DMBX1: variants seen among roughly 807,000 people sequenced by gnomAD.
The protein encoded by DMBX1 is diencephalon/mesencephalon homeobox protein 1.
A neutral mutation model predicts 30.4 loss-of-function variants in DMBX1; 7 were observed. That is an observed-to-expected ratio of 0.23 (90% CI 0.13 to 0.43). The LOEUF is 0.43. Among genes scored for constraint, DMBX1 ranks in the 20% least tolerant of loss-of-function variants. DMBX1 has a pLI of 1.00. For missense variants in DMBX1, 460 were observed against 508.5 expected, an observed-to-expected ratio of 0.90 and a Z score of 0.92; for synonymous variants, 222 against 214.2, an observed-to-expected ratio of 1.04 and a Z score of -0.32.
chr1:46,511,868 C>T (rs1485440369), intron 5 of DMBX1, among the ~76,000 whole-genome samples, 175 bp from the exon 6 acceptor site: 5 of 152,160 alleles, frequency 3.3e-5, no homozygotes, highest in African/African-American at 9.7e-5. Context: ...GTCCCTTTCT[C>T]CTAGGATTCT....
In DMBX1 at chr1:46,512,261, G is replaced by A. The variant is rs749854768; in HGVS notation, c.901G>A (p.Gly301Ser). 4 of 1,613,492 alleles carry A rather than the reference G, an allele frequency of 2.5e-6. No individual in the cohort carries two copies. Among genetic ancestry groups the A allele is most frequent in the African/African-American group, 1.3e-5 (1 of 74,874 alleles). The change falls in exon 6 of 6, where the codon GGC (glycine) becomes AGC (serine). Residue 301 changes from glycine (G) to serine (S), a missense_variant. This residue lies in a region of DMBX1 where 334 missense variants were observed against 345.1 expected (regional missense o/e 0.97). Coordinates refer to ENST00000360032, the MANE Select transcript of DMBX1 (RefSeq NM_172225.2). The surrounding 1 kb of genome is among the most constrained non-coding windows in gnomAD (Gnocchi z 4.8). ...AAAAAAVPYLGVNMAPLGSLH... is the reference protein window; with the variant it reads ...AAAAAAVPYLSVNMAPLGSLH... ...GGCGGCTGCTGCTGTGCCCTACCTG[G>A]GCGTCAACATGGCCCCGCTGGGCTC...
intron 1 of DMBX1, among the ~76,000 whole-genome samples, chr1:46,490,085 A>G: frequency 6.6e-6 from 1 of 152,240 alleles, no homozygotes; most frequent in East Asian, 1.9e-4. Context: ...GAGGGATGCC[A>G]GAAAGACCGA....
chr1:46,501,373 C>T (rs776513421), intron 2 of DMBX1, among the ~76,000 whole-genome samples: 8 of 151,574 alleles, frequency 5.3e-5, no homozygotes, highest in Non-Finnish European at 1.2e-4. Context: ...CTCCACCTTC[C>T]GGGTTCAAGT....
chr1:46,495,240 CA>C (rs1296855667), intron 2 of DMBX1, among the ~76,000 whole-genome samples: 1 of 152,214 alleles, frequency 6.6e-6, no homozygotes, highest in Non-Finnish European at 1.5e-5. Flanking sequence ...GTCCATCGCT[CA>C]ACAGGCAGTG....
At position 46,514,567 on chromosome 1, in the gene DMBX1, C is replaced by T. The variant is rs1011856405; in HGVS notation, c.*2073C>T. ...GTTCCAGTGCCAGCCTCTGGAGTCACTCCATTTTCATACCTTTTCATGATC... is the reference window on the plus strand; with the variant it reads ...GTTCCAGTGCCAGCCTCTGGAGTCATTCCATTTTCATACCTTTTCATGATC... On this transcript the variant is annotated 3_prime_UTR_variant, in exon 6 of 6. Transcript: ENST00000360032. Among the ~76,000 whole-genome samples, 12 of 152,260 alleles carry T rather than the reference C, an allele frequency of 7.9e-5. No individual in the cohort carries two copies. The highest frequency in any genetic ancestry group is 7.9e-4 in the Admixed American group (12 of 15,286).
rs79115408 is a variant in DMBX1 at position 46,511,621 on chromosome 1, G to A, written c.682+338G>A. On this transcript the variant is annotated intron_variant, in intron 5 of 5. Coordinates refer to ENST00000360032, the MANE Select transcript of DMBX1 (RefSeq NM_172225.2). ...CTGTATTAGTACCAGAGATTCCCACGTGCAGCAGAGACTCCGAGCACATTT... is the reference window on the plus strand; with the variant it reads ...CTGTATTAGTACCAGAGATTCCCACATGCAGCAGAGACTCCGAGCACATTT... 7.6e-3 allele frequency among the ~76,000 whole-genome samples: 1,156 copies of A among 152,314 alleles called. 16 individuals are homozygous for A. Among genetic ancestry groups the A allele is most frequent in the African/African-American group, 0.027 (1,103 of 41,566 alleles).
In DMBX1 at chr1:46,515,488, GT is replaced by G. The variant is rs946673732; in HGVS notation, c.*2997del. Among the ~76,000 whole-genome samples the G allele has an allele frequency of 5.3e-5, 8 of 152,332 alleles. No homozygotes were observed. The highest frequency in any genetic ancestry group is 3.9e-4 in the Admixed American group (6 of 15,294). ...AGGAGCAGCCGAGCTTCCCTCAGATGTTTGTTAACACTTGTCCCATTCAATT... is the reference window on the plus strand; with the variant it reads ...AGGAGCAGCCGAGCTTCCCTCAGATGTTGTTAACACTTGTCCCATTCAATT... On this transcript the variant is annotated 3_prime_UTR_variant, in exon 6 of 6. Transcript: ENST00000360032.
intron 1 of DMBX1, among the ~76,000 whole-genome samples, 156 bp from the exon 2 acceptor site, chr1:46,490,488 G>T (rs1439554008): frequency 3.3e-5 from 5 of 151,432 alleles, no homozygotes; most frequent in Admixed American, 3.3e-4. Context: ...GAGTTGCGGA[G>T]CCCTGGGCGG....
chr1:46,503,265 T>C (rs770246810), intron 2 of DMBX1, among the ~76,000 whole-genome samples: 2 of 152,270 alleles, frequency 1.3e-5, no homozygotes, highest in Admixed American at 6.5e-5. Context: ...GACCACATGT[T>C]CTAAAACAAT....
intron 2 of DMBX1, among the ~76,000 whole-genome samples, chr1:46,492,715 C>T (rs113782453): frequency 0.024 from 3,491 of 146,356 alleles, 131 homozygotes; most frequent in African/African-American, 0.08. Flanking sequence ...GAGTGGGACT[C>T]CTGGGTTAGA....
intron 2 of DMBX1, among the ~76,000 whole-genome samples, chr1:46,497,320 C>T (rs751492282): frequency 7.2e-5 from 11 of 152,116 alleles, no homozygotes; most frequent in African/African-American, 2.7e-4. Flanking sequence ...AGACTTGGCA[C>T]GTGGTAGATA....
intron 2 of DMBX1, 25 bp from the exon 3 acceptor site, chr1:46,506,974 G>A: frequency 1.2e-6 from 2 of 1,610,904 alleles, no homozygotes; most frequent in Non-Finnish European, 1.7e-6. Context: ...CTGCCTCATG[G>A]CCCCTCTCCC....
At chr1:46,511,507 G>A (rs1475834174) in intron 5 of DMBX1, among the ~76,000 whole-genome samples, 2 of 152,184 alleles carry the variant, frequency 1.3e-5, no homozygotes, top group South Asian at 4.1e-4. Flanking sequence ...TACTGCGGGA[G>A]CTCGGGGCAA....
chr1:46,506,423 T>C (rs1222303569), intron 2 of DMBX1, among the ~76,000 whole-genome samples: 3 of 152,222 alleles, frequency 2.0e-5, no homozygotes, highest in Non-Finnish European at 2.9e-5. Flanking sequence ...TGGCTCCAAG[T>C]GGGCCTCAAT....
Position 46,507,016 on chromosome 1 carries a change from G to A in DMBX1, c.6G>A (p.Gln2=), listed in dbSNP as rs778745039. 1 of 1,614,204 alleles carries A rather than the reference G, an allele frequency of 6.2e-7. No individual in the cohort carries two copies. The highest frequency in any genetic ancestry group is 8.5e-7 in the Non-Finnish European group (1 of 1,180,030). ...GTCTGTAGGCGGATGCCGCCATGCA[G>A]CACTACGGGGTGAACGGCTACTCAC... M[Q]HYGVNGYSLH... The change falls in exon 3 of 6, where the codon CAG becomes CAA. Residue 2 remains glutamine, a synonymous_variant. Coordinates refer to ENST00000360032, the MANE Select transcript of DMBX1 (RefSeq NM_172225.2).
rs1283066062 is a variant in DMBX1 at position 46,511,036 on chromosome 1, A to G, written c.435A>G (p.Glu145=). 1 of 1,614,112 alleles carries G rather than the reference A, an allele frequency of 6.2e-7. No homozygotes were observed. Among genetic ancestry groups the G allele is most frequent in the Non-Finnish European group, 8.5e-7 (1 of 1,180,006 alleles). ...AGGAGGCTGAGGGCTCCCATGGGGA[A>G]GGCAAGGCCGAGGCCCCCACTCCAG... is the stretch of plus-strand genomic sequence containing the variant. ...KQKEAEGSHG[E]GKAEAPTPDT... is the part of the protein sequence containing the mutation. The change falls in exon 5 of 6, where the codon GAA becomes GAG. Residue 145 remains glutamate (E), a synonymous_variant. Transcript: ENST00000360032.
chr1:46,497,413 T>G (rs1028886457), intron 2 of DMBX1, among the ~76,000 whole-genome samples: 2 of 152,218 alleles, frequency 1.3e-5, no homozygotes, highest in Non-Finnish European at 2.9e-5. Context: ...TCTCAGAGAA[T>G]GTTTGTTTCC....
chr1:46,496,010 T>C (rs1026415301), intron 2 of DMBX1, among the ~76,000 whole-genome samples: 5 of 152,172 alleles, frequency 3.3e-5, no homozygotes, highest in Admixed American at 6.5e-5. Flanking sequence ...TTGTTTCAAA[T>C]GAGGCCTGGC....
intron 5 of DMBX1, 152 bp from the exon 6 acceptor site, chr1:46,511,891 A>T: frequency 1.2e-6 from 1 of 816,274 alleles, no homozygotes; most frequent in Non-Finnish European, 1.9e-6. Context: ...GCCTTGCTTC[A>T]GGGGATGCTC....
Sources: allele counts gnomAD v4.1 joint callset (sites outside exome capture counted in the v4.1 genomes callset), GRCh38; gene constraint gnomAD v4.1.1; regional missense constraint gnomAD v4.1.1; non-coding constraint Gnocchi (gnomAD v3.1); transcripts MANE v1.5; gene names NCBI Gene and HGNC (gene_info 2026-07-23, HGNC 2026-07-21).